USP26: variants seen among roughly 807,000 people sequenced by gnomAD.
USP26 encodes the protein ubiquitin specific peptidase 26.
For missense variants in USP26, 649 were observed against 642.3 expected (o/e 1.01, Z -0.11); for synonymous variants, 236 against 240.6 (o/e 0.98, Z 0.18).
At position 133,075,191 on chromosome X, in the gene USP26, C is replaced by A. The variant is rs779646832; in HGVS notation, c.-77+8516G>T. Reference sequence around the variant, plus strand: ...CCTTGCAAAGCTAGAACAAGTTGCACCCCACCATTAAGATTTTCTAAGATT... The same window carrying A: ...CCTTGCAAAGCTAGAACAAGTTGCAACCCACCATTAAGATTTTCTAAGATT... On this transcript the variant is annotated intron_variant, in intron 5 of 5. Transcript: ENST00000511190. 1.3e-4 allele frequency among the ~76,000 whole-genome samples: 14 copies of A among 111,789 alleles called. No homozygotes were observed. The South Asian group carries it at 3.8e-3, about 30-fold the overall frequency.
In USP26 at chrX:133,026,786, T is replaced by G; in HGVS notation, c.1435A>C (p.Ile479Leu). The G allele has an allele frequency of 8.3e-7, 1 of 1,211,081 alleles. No homozygotes were observed. The highest frequency in any genetic ancestry group is 1.1e-6 in the Non-Finnish European group (1 of 895,312). The change falls in exon 6 of 6, where the codon ATT becomes CTT. Residue 479 changes from isoleucine to leucine, a missense_variant. By Grantham distance (5) the Ile-to-Leu change is conservative. Coordinates refer to ENST00000511190, the MANE Select transcript of USP26 (RefSeq NM_031907.3). ...AAAAAAAGATCAAAAGTAGACTGAA[T>G]AGATGAAGGATGTGCTTTTATTCTT... The part of the protein sequence containing the change: ...PQRIKAHPSS[I>L]QSTFDLFFGA...
At chrX:133,055,853 A>G (rs914520883) in intron 5 of USP26, among the ~76,000 whole-genome samples, 2 of 111,779 alleles carry the variant, frequency 1.8e-5, no homozygotes, top group African/African-American at 6.5e-5. Context: ...AAGGCCACCA[A>G]TTCTATCAGA....
At chrX:133,076,686 A>G (rs548195710) in intron 5 of USP26, among the ~76,000 whole-genome samples, 3 of 112,060 alleles carry the variant, frequency 2.7e-5, no homozygotes, top group Non-Finnish European at 5.6e-5. Flanking sequence ...GAGCTGTCCA[A>G]TGGAGAAGCC....
At chrX:133,069,667 T>C (rs755898279) in intron 5 of USP26, among the ~76,000 whole-genome samples, 2 of 111,484 alleles carry the variant, frequency 1.8e-5, no homozygotes, top group South Asian at 3.7e-4. Context: ...AAAATAACCA[T>C]AGGCTTATGG....
At chrX:133,088,839 T>C (rs1037280230) in intron 4 of USP26, among the ~76,000 whole-genome samples, 2 of 111,696 alleles carry the variant, frequency 1.8e-5, no homozygotes, top group Non-Finnish European at 3.8e-5. Flanking sequence ...CAGTTATAGT[T>C]AGGATTCACT....
At chrX:133,077,091 C>T (rs1457443552) in intron 5 of USP26, among the ~76,000 whole-genome samples, 3 of 111,880 alleles carry the variant, frequency 2.7e-5, no homozygotes, top group Non-Finnish European at 3.8e-5. Flanking sequence ...AATTAACAAA[C>T]GAATACACAA....
rs1448493944 is a variant in USP26 at position 133,024,013 on chromosome X, T to C, written c.*1466A>G. Among the ~76,000 whole-genome samples, 1 of 112,163 alleles carries C rather than the reference T, an allele frequency of 8.9e-6. No individual in the cohort carries two copies. Among genetic ancestry groups the C allele is most frequent in the Non-Finnish European group, 1.9e-5 (1 of 53,277 alleles). On this transcript the variant is annotated 3_prime_UTR_variant, in exon 6 of 6. Coordinates refer to ENST00000511190, the MANE Select transcript of USP26 (RefSeq NM_031907.3). ...AAGGCACAAAGTACAACAGATTCAC[T>C]GCCTCAAAGGCAGGAAAAGGTTATG...
chrX:133,065,248 C>T (rs1184484211), intron 5 of USP26, among the ~76,000 whole-genome samples: 1 of 111,124 alleles, frequency 9.0e-6, no homozygotes, highest in Non-Finnish European at 1.9e-5. Context: ...AGCCTACCAA[C>T]CAAAAAAAGC....
intron 5 of USP26, among the ~76,000 whole-genome samples, chrX:133,057,868 T>A (rs866376087): frequency 9.1e-3 from 92 of 10,099 alleles, no homozygotes; most frequent in African/African-American, 0.029. Flanking sequence ...ATATATATAT[T>A]TTTTTTTTTT....
At chrX:133,084,509 CTTCT>C (rs2067581606) in intron 4 of USP26, among the ~76,000 whole-genome samples, 1 of 81,751 alleles carries the variant, frequency 1.2e-5, no homozygotes, top group African/African-American at 5.4e-5. Context: ...TGGGGCAGAA[CTTCT>C]TTTTTTTTTT....
intron 5 of USP26, among the ~76,000 whole-genome samples, chrX:133,039,731 A>C (rs1364075651): frequency 9.0e-6 from 1 of 111,520 alleles, no homozygotes; most frequent in East Asian, 2.8e-4. Flanking sequence ...GCTGAGTTCA[A>C]GTCCTAAATA....
At chrX:133,061,544 C>T (rs2067494199) in intron 5 of USP26, among the ~76,000 whole-genome samples, 1 of 112,642 alleles carries the variant, frequency 8.9e-6, no homozygotes, top group Non-Finnish European at 1.9e-5. Context: ...CAGTCGGCAG[C>T]TCCCAGCAAG....
At chrX:133,054,494 C>G (rs1439949688) in intron 5 of USP26, among the ~76,000 whole-genome samples, 1 of 111,798 alleles carries the variant, frequency 8.9e-6, no homozygotes, top group African/African-American at 3.3e-5. Context: ...ACAGAAAATA[C>G]TCTCAGAGAC....
chrX:133,094,054 T>TA (rs1451899170), intron 1 of USP26, among the ~76,000 whole-genome samples: 6 of 108,032 alleles, frequency 5.6e-5, no homozygotes, highest in Non-Finnish European at 9.6e-5. Context: ...CAGCACCATT[T>TA]AAAAAAATAC....
At chrX:133,048,283 T>A (rs982992532) in intron 5 of USP26, among the ~76,000 whole-genome samples, 1 of 112,023 alleles carries the variant, frequency 8.9e-6, no homozygotes, top group Non-Finnish European at 1.9e-5. Context: ...AATTATAAAG[T>A]AATTAATTCA....
At chrX:133,031,142 T>C (rs2148526146) in intron 5 of USP26, among the ~76,000 whole-genome samples, 1 of 112,034 alleles carries the variant, frequency 8.9e-6, no homozygotes, top group South Asian at 3.8e-4. Flanking sequence ...AAAGATATAC[T>C]GAGAAATCCC....
At chrX:133,054,230 C>A (rs1317993446) in intron 5 of USP26, among the ~76,000 whole-genome samples, 1 of 111,634 alleles carries the variant, frequency 9.0e-6, no homozygotes, top group African/African-American at 3.3e-5. Flanking sequence ...CTCTAGACAG[C>A]ATTTAATTCT....
intron 5 of USP26, among the ~76,000 whole-genome samples, chrX:133,032,607 G>A (rs376165053): frequency 4.3e-4 from 48 of 112,124 alleles, no homozygotes; most frequent in African/African-American, 1.5e-3. Context: ...CTCCAGCCAC[G>A]TTTAGCTGTC....
chrX:133,083,929 C>T (rs913723734), intron 4 of USP26, among the ~76,000 whole-genome samples, 158 bp from the exon 5 acceptor site: 4 of 111,789 alleles, frequency 3.6e-5, no homozygotes, highest in African/African-American at 9.8e-5. Flanking sequence ...GTCCTTGCCC[C>T]GTCATCAATC....
Sources: allele counts gnomAD v4.1 joint callset (sites outside exome capture counted in the v4.1 genomes callset), GRCh38; gene constraint gnomAD v4.1.1; transcripts MANE v1.5; gene names NCBI Gene and HGNC (gene_info 2026-07-23, HGNC 2026-07-21).